CLSTN2: variants seen among roughly 807,000 people sequenced by gnomAD.
CLSTN2 encodes the protein calsyntenin 2, also known as calsyntenin-2.
In CLSTN2, 48 loss-of-function variants were observed where a neutral mutation model predicts 101.2. The observed-to-expected ratio is 0.47, with a 90% CI of 0.38 to 0.60. The LOEUF is 0.60. Ranked by LOEUF, CLSTN2 falls within the 20% of genes least tolerant of loss-of-function variation. The pLI, the probability that CLSTN2 is intolerant of heterozygous loss-of-function variation, is 0.00. For synonymous variants in CLSTN2, 481 were observed against 463.6 expected, an observed-to-expected ratio of 1.04 and a Z score of -0.48; for missense variants, 1,160 against 1,238.2, an observed-to-expected ratio of 0.94 and a Z score of 0.95.
At position 140,296,670 on chromosome 3, in the gene CLSTN2, G is replaced by C. The variant is rs116190791; in HGVS notation, c.233-106959G>C. Among the ~76,000 whole-genome samples the C allele has an allele frequency of 6.1e-3, 928 of 152,328 alleles. 9 individuals are homozygous for C. Among genetic ancestry groups the C allele is most frequent in the Middle Eastern group, 0.017 (5 of 294 alleles). On this transcript the variant is annotated intron_variant, in intron 2 of 16. Transcript: ENST00000458420. ...TTATATACAACGCAAGTATTTGTTA[G>C]ATGTATTTGCCTAAGTTAGTTTTCT...
At chr3:140,237,203 A>G (rs2086425963) in intron 2 of CLSTN2, among the ~76,000 whole-genome samples, 1 of 152,138 alleles carries the variant, frequency 6.6e-6, no homozygotes. Context: ...ACTTGTTTTT[A>G]AGCATTTTTA....
chr3:140,042,159 A>G (rs1164168270), intron 1 of CLSTN2, among the ~76,000 whole-genome samples: 1 of 152,174 alleles, frequency 6.6e-6, no homozygotes, highest in African/African-American at 2.4e-5. Flanking sequence ...CAGTTAATAC[A>G]CATTTAGGTT....
intron 2 of CLSTN2, among the ~76,000 whole-genome samples, chr3:140,369,116 C>T (rs1372334291): frequency 1.3e-5 from 2 of 152,094 alleles, no homozygotes; most frequent in African/African-American, 4.8e-5. Flanking sequence ...AGTAGAGGTT[C>T]AGTAGCTTGT....
chr3:140,291,758 CA>C (rs1459743947), intron 2 of CLSTN2, among the ~76,000 whole-genome samples: 2 of 151,932 alleles, frequency 1.3e-5, no homozygotes, highest in Non-Finnish European at 2.9e-5. Context: ...GCCGCCTCCT[CA>C]CACCTCAAAT....
Position 140,564,160 on chromosome 3 carries a change from C to T in CLSTN2, c.2667+15C>T, listed in dbSNP as rs756948251. 44 of 1,611,164 alleles carry T rather than the reference C, an allele frequency of 2.7e-5. No homozygotes were observed. Among genetic ancestry groups the T allele is most frequent in the East Asian group, 1.6e-4 (7 of 44,854 alleles). ...ACCCCATGGAGGTGATCCTCATGCA[C>T]GGCTGGGAGTTCTGGGTGGGGTGCT... On this transcript the variant is annotated intron_variant, in intron 16 of 16. Transcript: ENST00000458420.
At chr3:140,199,965 C>G (rs1381743590) in intron 2 of CLSTN2, among the ~76,000 whole-genome samples, 1 of 152,238 alleles carries the variant, frequency 6.6e-6, no homozygotes, top group African/African-American at 2.4e-5. Flanking sequence ...TGCACAAACA[C>G]AGTTCAGATT....
At chr3:140,286,446 A>G (rs1686551206) in intron 2 of CLSTN2, among the ~76,000 whole-genome samples, 2 of 152,192 alleles carry the variant, frequency 1.3e-5, no homozygotes, top group African/African-American at 4.8e-5. Context: ...TCCCCACTCC[A>G]GTGATGTCCC....
chr3:140,203,389 A>G (rs2010742164), intron 2 of CLSTN2, among the ~76,000 whole-genome samples: 1 of 151,782 alleles, frequency 6.6e-6, no homozygotes, highest in Admixed American at 6.6e-5. Flanking sequence ...ATTTTTAGGA[A>G]CATTACTGCA....
At chr3:140,074,899 C>T (rs528055842) in intron 1 of CLSTN2, among the ~76,000 whole-genome samples, 4 of 152,286 alleles carry the variant, frequency 2.6e-5, no homozygotes, top group African/African-American at 7.2e-5. Context: ...CACTCTCCAC[C>T]GAACCCCGGG....
At chr3:140,173,553 G>A (rs922216426) in intron 1 of CLSTN2, among the ~76,000 whole-genome samples, 10 of 152,144 alleles carry the variant, frequency 6.6e-5, no homozygotes, top group South Asian at 2.1e-4. Context: ...TGGGGGCTCC[G>A]ACCCCACATT....
At position 140,419,693 on chromosome 3, in the gene CLSTN2, G is replaced by GAATATGTATATACGTATATATACA. The variant is rs1559864309; in HGVS notation, c.638-1432_638-1431insAATATGTATATACGTATATATACA. ...TGAATATGTATATACGTATATATAC[G>GAATATGTATATACGTATATATACA]TATATGAATATGTATATATGTATAT... On this transcript the variant is annotated intron_variant, in intron 4 of 16. Transcript: ENST00000458420. 4.4e-4 allele frequency among the ~76,000 whole-genome samples: 25 copies of GAATATGTATATACGTATATATACA among 56,508 alleles called. 8 individuals carry two copies. The East Asian group carries it at 8.5e-3, about 19-fold the overall frequency. The allele number at this position is 56,508 out of a possible 152,430, so 37.1% of individuals were successfully genotyped here.
intron 2 of CLSTN2, among the ~76,000 whole-genome samples, chr3:140,235,733 C>T (rs543680991): frequency 6.6e-6 from 1 of 152,244 alleles, no homozygotes; most frequent in East Asian, 1.9e-4. Context: ...CTAGAACATC[C>T]CCAGGGTTCA....
At chr3:140,408,777 G>C (rs6800860) in intron 4 of CLSTN2, among the ~76,000 whole-genome samples, 1 of 152,146 alleles carries the variant, frequency 6.6e-6, no homozygotes, top group Non-Finnish European at 1.5e-5. Context: ...CTGGGCTCCA[G>C]CCAAATATCC....
Position 140,376,709 on chromosome 3 carries a change from G to C in CLSTN2, c.233-26920G>C, listed in dbSNP as rs145313019. 1.8e-3 allele frequency among the ~76,000 whole-genome samples: 280 copies of C among 152,302 alleles called. 1 individual carries two copies. Among genetic ancestry groups the C allele is most frequent in the African/African-American group, 6.5e-3 (271 of 41,562 alleles). On this transcript the variant is annotated intron_variant, in intron 2 of 16. Transcript: ENST00000458420. ...CTGATTGTGCAATCACATTTGGCAAGATTTGCCAACAGGAGAGCAGTATCT... is the reference window on the plus strand; with the variant it reads ...CTGATTGTGCAATCACATTTGGCAACATTTGCCAACAGGAGAGCAGTATCT...
At chr3:140,433,275 A>G (rs1474075899) in intron 5 of CLSTN2, among the ~76,000 whole-genome samples, 1 of 152,188 alleles carries the variant, frequency 6.6e-6, no homozygotes. Context: ...ACCCAGGCCC[A>G]CCACTGGGAC....
At chr3:140,136,471 A>C (rs2009617155) in intron 1 of CLSTN2, among the ~76,000 whole-genome samples, 1 of 152,206 alleles carries the variant, frequency 6.6e-6, no homozygotes, top group Non-Finnish European at 1.5e-5. Context: ...GTGACATTCA[A>C]TATACAGTCA....
chr3:140,466,694 C>G lies in CLSTN2; in HGVS notation c.1307C>G (p.Thr436Ser), dbSNP rs756866906. The change falls in exon 8 of 17, where the codon ACC (threonine) becomes AGC (serine). Residue 436 changes from threonine to serine, a missense_variant. Transcript: ENST00000458420. ...CGGAAGGACTTCGACCAGGCTGACA[C>G]CTTTCGCCCCGCGGAGTTCCACTGG... Reference protein sequence around the residue: ...LLRKDFDQADTFRPAEFHWKL... With the variant: ...LLRKDFDQADSFRPAEFHWKL... 2 of 1,614,120 alleles carry G rather than the reference C, an allele frequency of 1.2e-6. No individual in the cohort carries two copies. The highest frequency in any genetic ancestry group is 1.7e-5 in the Admixed American group (1 of 60,024).
intron 1 of CLSTN2, among the ~76,000 whole-genome samples, chr3:140,059,032 C>T (rs1374337310): frequency 6.6e-6 from 1 of 152,214 alleles, no homozygotes; most frequent in Non-Finnish European, 1.5e-5. Flanking sequence ...CATGTAAAGA[C>T]CCATGGCAGT....
At chr3:140,083,948 G>A (rs184358873) in intron 1 of CLSTN2, among the ~76,000 whole-genome samples, 5 of 152,278 alleles carry the variant, frequency 3.3e-5, no homozygotes, top group African/African-American at 9.6e-5. Context: ...AGCATCAAAA[G>A]TGGACTCCTG....
Sources: gnomAD v4.1 joint callset for allele counts (sites outside exome capture counted in the v4.1 genomes callset) on GRCh38, gnomAD v4.1.1 for gene constraint, MANE v1.5 for transcripts, NCBI Gene and HGNC (gene_info 2026-07-23, HGNC 2026-07-21) for gene names.